UEVLD: variants seen among roughly 807,000 people sequenced by gnomAD.
UEVLD encodes ubiquitin-conjugating enzyme E2 variant 3.
UEVLD carries 47 observed loss-of-function variants against 58.6 expected under a neutral mutation model. The observed-to-expected ratio is 0.80, with a 90% CI of 0.63 to 1.02. UEVLD has a LOEUF of 1.02. Among genes scored for constraint, UEVLD ranks in the 50% least tolerant of loss-of-function variants. The pLI is 0.00. For missense variants in UEVLD, 510 were observed against 550.6 expected, an observed-to-expected ratio of 0.93 and a Z score of 0.74; for synonymous variants, 197 against 195.3, an observed-to-expected ratio of 1.01 and a Z score of -0.07.
At chr11:18,540,203 G>A (rs879804507) in intron 9 of UEVLD, among the ~76,000 whole-genome samples, 1 of 152,132 alleles carries the variant, frequency 6.6e-6, no homozygotes, top group Non-Finnish European at 1.5e-5. Flanking sequence ...GTAACCTTGG[G>A]CAAATTACTT....
chr11:18,540,860 G>A (rs1468663937), intron 9 of UEVLD, among the ~76,000 whole-genome samples: 2 of 152,146 alleles, frequency 1.3e-5, no homozygotes, highest in Admixed American at 6.5e-5. Context: ...TAAAGACAGG[G>A]TCAGGTTCTT....
rs537110298 is a variant in UEVLD, at chr11:18,552,155, T to C, written c.716-5105A>G. Among the ~76,000 whole-genome samples the C allele has an allele frequency of 2.0e-5, 3 of 152,372 alleles. No individual in the cohort carries two copies. In the East Asian group the frequency reaches 5.8e-4, roughly 29 times the overall value. ...TATTGAATATACTCTTTTCAAATTATTTAATATGACCCAAAATTTTAGAAA... is the reference window on the plus strand; with the variant it reads ...TATTGAATATACTCTTTTCAAATTACTTAATATGACCCAAAATTTTAGAAA... On this transcript the variant is annotated intron_variant, in intron 7 of 11. Coordinates refer to ENST00000396197, the MANE Select transcript of UEVLD (RefSeq NM_001040697.4).
intron 1 of UEVLD, among the ~76,000 whole-genome samples, chr11:18,580,650 A>G (rs1393398789): frequency 7.1e-6 from 1 of 141,716 alleles, no homozygotes; most frequent in Non-Finnish European, 1.5e-5. Flanking sequence ...TGCTTCCCAG[A>G]AAAAAAAAAA....
At chr11:18,549,802 C>T (rs1241033750) in intron 7 of UEVLD, among the ~76,000 whole-genome samples, 1 of 151,710 alleles carries the variant, frequency 6.6e-6, no homozygotes, top group Non-Finnish European at 1.5e-5. Flanking sequence ...TAATCAATTC[C>T]TCTGAGTTTA....
intron 1 of UEVLD, among the ~76,000 whole-genome samples, chr11:18,587,154 C>A (rs936248703): frequency 2.0e-5 from 3 of 152,344 alleles, no homozygotes; most frequent in South Asian, 4.1e-4. Context: ...TGTCTCTCTT[C>A]TTTTCCTTCA....
At chr11:18,537,639 A>C (rs1302561577) in intron 9 of UEVLD, among the ~76,000 whole-genome samples, 1 of 151,362 alleles carries the variant, frequency 6.6e-6, no homozygotes, top group African/African-American at 2.4e-5. Flanking sequence ...CCAGACTAGA[A>C]ATTTATATCA....
rs1727818449 is a variant in UEVLD, at chr11:18,556,197, G to C, written c.715+2031C>G. Among the ~76,000 whole-genome samples, 4 of 152,188 alleles carry C rather than the reference G, an allele frequency of 2.6e-5. No homozygotes were observed. In the South Asian group the frequency reaches 8.3e-4, roughly 31 times the overall value. ...GTCCTACGTGGCCTCACAACCTCTA[G>C]AGTCCATATACTGAAGAGTCTCCTA... On this transcript the variant is annotated intron_variant, in intron 7 of 11. Transcript: ENST00000396197.
At chr11:18,584,867 G>A (rs537730918) in intron 1 of UEVLD, among the ~76,000 whole-genome samples, 18 of 152,208 alleles carry the variant, frequency 1.2e-4, no homozygotes, top group East Asian at 5.8e-4. Flanking sequence ...TCCTGACCTC[G>A]TGATCTGCAT....
At chr11:18,577,898 TAAGATA>T (rs1353300704) in intron 2 of UEVLD, among the ~76,000 whole-genome samples, 2 of 150,086 alleles carry the variant, frequency 1.3e-5, no homozygotes, top group Non-Finnish European at 3.0e-5. Flanking sequence ...AAAGAAAGAT[TAAGATA>T]ATAAAGTAAA....
At chr11:18,565,084 A>AT in intron 5 of UEVLD, 74 bp from the exon 6 acceptor site, 1 of 1,099,438 alleles carries the variant, frequency 9.1e-7, no homozygotes, top group Non-Finnish European at 1.3e-6. Context: ...AAAAAAATAT[A>AT]TAGCAGGCTT....
intron 11 of UEVLD, among the ~76,000 whole-genome samples, chr11:18,533,377 TAAA>T (rs766063552): frequency 1.5e-5 from 2 of 132,744 alleles, no homozygotes; most frequent in Non-Finnish European, 3.3e-5. Context: ...AGATCAACTT[TAAA>T]AAAAAAAAAA....
chr11:18,541,416 CTGA>C (rs1565110042), intron 9 of UEVLD, among the ~76,000 whole-genome samples: 1 of 152,198 alleles, frequency 6.6e-6, no homozygotes, highest in African/African-American at 2.4e-5. Context: ...ATAAAAGAGA[CTGA>C]TAACTGTGAT....
intron 1 of UEVLD, among the ~76,000 whole-genome samples, chr11:18,585,559 T>G (rs1853504935): frequency 6.6e-6 from 1 of 152,192 alleles, no homozygotes; most frequent in Non-Finnish European, 1.5e-5. Context: ...AATGCCACAC[T>G]AAATTTTACT....
In UEVLD at chr11:18,558,290, C is replaced by T. The variant is rs532844172; in HGVS notation, c.653G>A (p.Gly218Glu). 3 of 1,613,242 alleles carry T rather than the reference C, an allele frequency of 1.9e-6. No homozygotes were observed. The highest frequency in any genetic ancestry group is 3.3e-5 in the Admixed American group (2 of 59,970). The stretch of plus-strand genomic sequence containing the variant: ...AAGGTCCATCGTGGCTCCTTTAGTC[C>T]CTTCTGAGAGGTCTAAGAGGACAAG... ...DRLVLLDLSE[G>E]TKGATMDLEI... The change falls in exon 7 of 12, where the codon GGG becomes GAG. Residue 218 changes from glycine (G) to glutamate (E), a missense_variant. Transcript: ENST00000396197.
chr11:18,569,272 T>C (rs1332699562), intron 4 of UEVLD, among the ~76,000 whole-genome samples: 4 of 152,178 alleles, frequency 2.6e-5, no homozygotes, highest in African/African-American at 9.7e-5. Context: ...TATACATCTG[T>C]CTAAACCAAT....
chr11:18,570,971 T>G (rs947340844), intron 3 of UEVLD, among the ~76,000 whole-genome samples: 12 of 149,994 alleles, frequency 8.0e-5, no homozygotes, highest in Admixed American at 8.0e-4. Context: ...TTTTCAAAAA[T>G]GTTTACTAAT....
At chr11:18,536,127 A>G (rs1201553486) in intron 10 of UEVLD, among the ~76,000 whole-genome samples, 2 of 152,148 alleles carry the variant, frequency 1.3e-5, no homozygotes, top group Non-Finnish European at 2.9e-5. Flanking sequence ...AGTGGGGCTC[A>G]GATGTTTAGG....
In UEVLD at chr11:18,566,432, T is replaced by C. The variant is rs770976357; in HGVS notation, c.408A>G (p.Gln136=). 1.9e-5 allele frequency: 30 copies of C among 1,614,014 alleles called. No homozygotes were observed. Among genetic ancestry groups the C allele is most frequent in the South Asian group, 1.3e-4 (12 of 91,090 alleles). ...GLIKEMIAKF[Q]EELPMYSLSS... is the part of the protein sequence containing the mutation. Reference sequence around the variant, plus strand: ...ATAGAGAATACATGGGAAGTTCCTCTTGAAACTTGGCAATCATTTCTTTAA... The same window carrying C: ...ATAGAGAATACATGGGAAGTTCCTCCTGAAACTTGGCAATCATTTCTTTAA... The change falls in exon 5 of 12, where the codon CAA becomes CAG. Residue 136 remains glutamine, a synonymous_variant. Transcript: ENST00000396197.
chr11:18,571,583 A>G lies in UEVLD; in HGVS notation c.194-1206T>C, dbSNP rs539665503. Among the ~76,000 whole-genome samples the G allele has an allele frequency of 2.0e-5, 3 of 152,294 alleles. No individual in the cohort carries two copies. The East Asian group carries it at 5.8e-4, about 29-fold the overall frequency. On this transcript the variant is annotated intron_variant, in intron 3 of 11. Transcript: ENST00000396197. ...AAATACCTTGACTCCTACCCTGCAC[A>G]TCTAGCTTTTAGTAATTCAGCACTG...
Sources: allele counts gnomAD v4.1 joint callset (sites outside exome capture counted in the v4.1 genomes callset), GRCh38; gene constraint gnomAD v4.1.1; transcripts MANE v1.5; gene names NCBI Gene and HGNC (gene_info 2026-07-23, HGNC 2026-07-21).